Variants in SBF2 observed in about 807,000 individuals in gnomAD.
SBF2 encodes the protein SET binding factor 2, also known as myotubularin-related protein 13.
SBF2 carries 112 observed loss-of-function variants against 225.2 expected under a neutral mutation model. That is an observed-to-expected ratio of 0.50 (90% CI 0.43 to 0.58). The LOEUF is 0.58. SBF2 is among the 20% of genes least tolerant of loss of function. SBF2 has a pLI of 0.00. For synonymous variants in SBF2, 763 were observed against 773.3 expected (o/e 0.99, Z 0.22); for missense variants, 1,996 against 2,206.2 (o/e 0.90, Z 1.91).
intron 16 of SBF2, chr11:9,959,557 A>AACATGGCAGCAGGCATGAGAT: frequency 1.3e-6 from 1 of 775,694 alleles, no homozygotes; most frequent in Non-Finnish European, 2.4e-6. Flanking sequence ...GGGGTCCCAA[A>AACATGGCAGCAGGCATGAGAT]ACATGGCAGC....
At chr11:10,216,884 T>A (rs10770102) in intron 1 of SBF2, among the ~76,000 whole-genome samples, 91,352 of 151,258 alleles carry the variant, frequency 0.6, 28,573 homozygotes, top group East Asian at 0.95. Context: ...TAGTAATTTT[T>A]AAAAAAAAGT....
chr11:10,059,671 C>T (rs773543040), intron 2 of SBF2, among the ~76,000 whole-genome samples: 22 of 152,076 alleles, frequency 1.4e-4, no homozygotes, highest in Non-Finnish European at 3.1e-4. Context: ...CGACATCATA[C>T]CAAACACACT....
intron 1 of SBF2, among the ~76,000 whole-genome samples, chr11:10,299,350 A>G (rs1964575531): frequency 6.6e-6 from 1 of 151,594 alleles, no homozygotes; most frequent in Non-Finnish European, 1.5e-5. Flanking sequence ...AAAAAAAAAA[A>G]AAAAAAAAGG....
At chr11:10,196,867 T>TACATATATATATATATATATATA (rs1409393179) in intron 1 of SBF2, among the ~76,000 whole-genome samples, 1 of 38,570 alleles carries the variant, frequency 2.6e-5, no homozygotes, top group Non-Finnish European at 5.2e-5. Context: ...TATATATATA[T>TACATATATATATATATATATATA]TTTTTTTTTC....
At chr11:10,039,236 CT>C (rs1426304118) in intron 3 of SBF2, among the ~76,000 whole-genome samples, 1 of 151,772 alleles carries the variant, frequency 6.6e-6, no homozygotes, top group Non-Finnish European at 1.5e-5. Context: ...CTATTTTGAA[CT>C]GATGATATGA....
chr11:10,188,791 G>C (rs576220213), intron 2 of SBF2, among the ~76,000 whole-genome samples: 1 of 152,348 alleles, frequency 6.6e-6, no homozygotes, highest in Non-Finnish European at 1.5e-5. Flanking sequence ...CAGTCTGGGA[G>C]TGGGTACCAA....
rs531822900 is a variant in SBF2, at chr11:10,215,106, C to G, written c.56-21119G>C. ...CCACTGCTAAATGACAAGGCTGCCC[C>G]ACAAACTACTAGCTCAGAGCCATTC... On this transcript the variant is annotated intron_variant, in intron 1 of 39. Coordinates refer to ENST00000256190, the MANE Select transcript of SBF2 (RefSeq NM_030962.4). Among the ~76,000 whole-genome samples, 21 of 152,282 alleles carry G rather than the reference C, an allele frequency of 1.4e-4. No homozygotes were observed. The South Asian group carries it at 4.4e-3, about 32-fold the overall frequency.
chr11:10,133,533 CA>C lies in SBF2; in HGVS notation c.141+60368del, dbSNP rs781458952. ...GCTGGGGGACTCAGTACACCCTCCG[CA>C]GCCACTGGCCTGGGTGCTAAGTCCC... On this transcript the variant is annotated intron_variant, in intron 2 of 39. Coordinates refer to ENST00000256190, the MANE Select transcript of SBF2 (RefSeq NM_030962.4). Among the ~76,000 whole-genome samples the C allele has an allele frequency of 3.2e-4, 44 of 135,642 alleles. 14 individuals are homozygous for C. The highest frequency in any genetic ancestry group is 7.6e-4 in the Admixed American group (10 of 13,182). 89.0% of individuals were successfully genotyped at this position (135,642 alleles called of 152,430 possible).
chr11:10,066,827 T>C (rs948598349), intron 2 of SBF2, among the ~76,000 whole-genome samples: 43 of 151,876 alleles, frequency 2.8e-4, no homozygotes, highest in African/African-American at 1.0e-3. Context: ...CAGAGAAAAA[T>C]CTACAAAGAG....
chr11:9,943,665 A>C (rs1245458402), intron 16 of SBF2, among the ~76,000 whole-genome samples: 2 of 152,106 alleles, frequency 1.3e-5, no homozygotes, highest in East Asian at 3.8e-4. Flanking sequence ...GCAAATGATA[A>C]TTACAATGAT....
At chr11:10,047,294 C>G (rs184999698) in intron 2 of SBF2, among the ~76,000 whole-genome samples, 1 of 151,970 alleles carries the variant, frequency 6.6e-6, no homozygotes, top group Non-Finnish European at 1.5e-5. Flanking sequence ...TAAAGAGAGG[C>G]AAAAGATCCA....
chr11:10,239,131 A>T (rs1415656553), intron 1 of SBF2, among the ~76,000 whole-genome samples: 1 of 150,652 alleles, frequency 6.6e-6, no homozygotes, highest in Admixed American at 6.6e-5. Context: ...GTATATGTAT[A>T]TCTGCATGTA....
intron 17 of SBF2, among the ~76,000 whole-genome samples, chr11:9,886,899 T>C (rs1054668717): frequency 2.0e-5 from 3 of 152,194 alleles, no homozygotes; most frequent in Admixed American, 2.0e-4. Flanking sequence ...ACACATGCTA[T>C]AATTTGTTTG....
intron 7 of SBF2, 48 bp downstream of exon 7, chr11:10,002,509 G>A (rs775786638): frequency 2.8e-6 from 4 of 1,436,480 alleles, no homozygotes; most frequent in African/African-American, 2.8e-5. Flanking sequence ...TCAACGATAA[G>A]TGATATGTAG....
chr11:9,868,629 T>C (rs1013627021), intron 17 of SBF2, among the ~76,000 whole-genome samples: 2 of 152,256 alleles, frequency 1.3e-5, no homozygotes, highest in Non-Finnish European at 2.9e-5. Flanking sequence ...AAGGTCTACA[T>C]ATTACCATTA....
rs77299139 is a variant in SBF2 at position 9,966,942 on chromosome 11, A to C, written c.1600+1399T>G. Among the ~76,000 whole-genome samples the C allele has an allele frequency of 4.0e-3, 616 of 152,308 alleles. 4 individuals carry two copies. Among genetic ancestry groups the C allele is most frequent in the African/African-American group, 0.014 (586 of 41,566 alleles). On this transcript the variant is annotated intron_variant, in intron 14 of 39. Transcript: ENST00000256190. ...AGAGAACTGAAAACATATCTACACAAAATCTTGCACATAAATGTTCACAGC... is the reference window on the plus strand; with the variant it reads ...AGAGAACTGAAAACATATCTACACACAATCTTGCACATAAATGTTCACAGC...
chr11:9,932,985 A>AAAC (rs1270066997), intron 16 of SBF2, among the ~76,000 whole-genome samples: 1 of 146,512 alleles, frequency 6.8e-6, no homozygotes, highest in East Asian at 2.0e-4. Flanking sequence ...AAAAAAAAAA[A>AAAC]AACAGGTGTT....
intron 2 of SBF2, among the ~76,000 whole-genome samples, chr11:10,126,191 C>T (rs762542204): frequency 9.9e-5 from 15 of 152,220 alleles, no homozygotes; most frequent in Non-Finnish European, 1.3e-4. Context: ...TAAAACTGCA[C>T]AAAATGTTTT....
At chr11:10,206,056 C>A (rs1334587195) in intron 1 of SBF2, among the ~76,000 whole-genome samples, 1 of 151,696 alleles carries the variant, frequency 6.6e-6, no homozygotes, top group South Asian at 2.1e-4. Flanking sequence ...CTCATGTACT[C>A]CCCAGTGACA....
Sources: allele counts gnomAD v4.1 joint callset (sites outside exome capture counted in the v4.1 genomes callset), GRCh38; gene constraint gnomAD v4.1.1; transcripts MANE v1.5; gene names NCBI Gene and HGNC (gene_info 2026-07-23, HGNC 2026-07-21).